The following CCDC73 variants were observed in gnomAD, a reference collection of about 807,000 sequenced individuals.
CCDC73 encodes the protein coiled-coil domain containing 73, also known as coiled-coil domain-containing protein 73.
Under a neutral mutation model 116.5 loss-of-function variants are expected in CCDC73, and 95 were observed. The ratio of observed to expected loss-of-function variants is 0.82; its 90% confidence interval spans 0.69 to 0.97. CCDC73 has a LOEUF of 0.97. Ranked by LOEUF, CCDC73 falls within the 50% of genes least tolerant of loss-of-function variation. The pLI is 0.00. For missense variants in CCDC73, 1,066 were observed against 1,206.8 expected (o/e 0.88, Z 1.73); for synonymous variants, 398 against 401.3 (o/e 0.99, Z 0.10).
intron 3 of CCDC73, among the ~76,000 whole-genome samples, chr11:32,710,462 G>A (rs866320634): frequency 4.6e-5 from 7 of 152,062 alleles, no homozygotes; most frequent in Admixed American, 1.3e-4. Flanking sequence ...TTCAGGAGCC[G>A]GCTATTTAAT....
At chr11:32,638,634 ATGCC>A (rs943344591) in intron 13 of CCDC73, among the ~76,000 whole-genome samples, 2 of 151,900 alleles carry the variant, frequency 1.3e-5, no homozygotes, top group African/African-American at 4.8e-5. Context: ...ATGTGCCACC[ATGCC>A]TGGCTAATTT....
At chr11:32,700,991 C>T (rs115334136) in intron 4 of CCDC73, among the ~76,000 whole-genome samples, 165 bp from the exon 5 acceptor site, 3,452 of 151,918 alleles carry the variant, frequency 0.023, 129 homozygotes, top group African/African-American at 0.077. Context: ...TGATATAAAA[C>T]GAGAAAAAAG....
intron 2 of CCDC73, among the ~76,000 whole-genome samples, chr11:32,738,983 G>A (rs1391435495): frequency 2.6e-5 from 4 of 152,074 alleles, no homozygotes; most frequent in Non-Finnish European, 5.9e-5. Flanking sequence ...TGGCACCTTT[G>A]TTGAAAATGA....
Position 32,760,273 on chromosome 11 carries a change from G to T in CCDC73, c.-15-15C>A. The T allele has an allele frequency of 7.1e-7, 1 of 1,405,160 alleles. No individual in the cohort carries two copies. Among genetic ancestry groups the T allele is most frequent in the Non-Finnish European group, 9.5e-7 (1 of 1,047,166 alleles). The allele number at this position is 1,405,160 out of a possible 1,614,324, so 87.0% of individuals were successfully genotyped here. ...ATATTTATTTCCTGTAATGTAAAAA[G>T]GTCTTAACTGAAAAAAAATTATCTA... On this transcript the variant is annotated splice_polypyrimidine_tract_variant and intron_variant, in intron 1 of 17. Transcript: ENST00000335185.
At chr11:32,763,272 G>C (rs1328456398) in intron 1 of CCDC73, among the ~76,000 whole-genome samples, 1 of 152,212 alleles carries the variant, frequency 6.6e-6, no homozygotes, top group Non-Finnish European at 1.5e-5. Flanking sequence ...CACAGAGTTT[G>C]AGATCTGAGA....
At chr11:32,635,931 G>T in intron 13 of CCDC73, 101 bp from the exon 14 acceptor site, 2 of 752,442 alleles carry the variant, frequency 2.7e-6, no homozygotes, top group Non-Finnish European at 3.4e-6. Context: ...AATAGTCAAA[G>T]AATCAAAACA....
intron 1 of CCDC73, among the ~76,000 whole-genome samples, chr11:32,763,797 C>G (rs1850414688): frequency 6.6e-6 from 1 of 152,060 alleles, no homozygotes; most frequent in South Asian, 2.1e-4. Flanking sequence ...AAGAAGGCTT[C>G]AGATGATCAA....
At chr11:32,769,973 A>G (rs1189676819) in intron 1 of CCDC73, among the ~76,000 whole-genome samples, 1 of 152,244 alleles carries the variant, frequency 6.6e-6, no homozygotes, top group Non-Finnish European at 1.5e-5. Flanking sequence ...TTTCACTTCC[A>G]GCACTGATTT....
intron 1 of CCDC73, 32 bp from the exon 2 acceptor site, chr11:32,760,290 A>C: frequency 7.8e-7 from 1 of 1,277,518 alleles, no homozygotes. Flanking sequence ...ACTGAAAAAA[A>C]ATTATCTAGG....
the CCDC73 span, among the ~76,000 whole-genome samples, chr11:32,804,043 C>G: frequency 6.6e-6 from 1 of 152,156 alleles, no homozygotes; most frequent in Non-Finnish European, 1.5e-5. Context: ...CTCCCGACCT[C>G]AAGTGATCCA....
chr11:32,613,387 A>C (rs1400189802), intron 16 of CCDC73, 35 bp downstream of exon 16: 5 of 1,508,548 alleles, frequency 3.3e-6, no homozygotes, highest in Non-Finnish European at 4.5e-6. Flanking sequence ...GTAGAAAAAT[A>C]TTTTGAGAAT....
At chr11:32,652,714 A>G (rs1855837246) in intron 12 of CCDC73, among the ~76,000 whole-genome samples, 1 of 151,256 alleles carries the variant, frequency 6.6e-6, no homozygotes, top group African/African-American at 2.4e-5. Context: ...CAATTTTATC[A>G]TATTCCTGTG....
intron 6 of CCDC73, among the ~76,000 whole-genome samples, chr11:32,692,884 G>A (rs896993810): frequency 9.2e-5 from 14 of 152,190 alleles, no homozygotes; most frequent in African/African-American, 3.4e-4. Context: ...AATCAGCAAA[G>A]TATCTTTATT....
chr11:32,636,729 G>A (rs1855681896), intron 13 of CCDC73, among the ~76,000 whole-genome samples: 1 of 151,656 alleles, frequency 6.6e-6, no homozygotes, highest in South Asian at 2.1e-4. Context: ...AGGCCAGTAG[G>A]TGTAAACTCA....
At chr11:32,829,148 A>G in the CCDC73 span, among the ~76,000 whole-genome samples, 3 of 152,246 alleles carry the variant, frequency 2.0e-5, no homozygotes, top group Admixed American at 2.0e-4. Context: ...AAGTACTGAG[A>G]ACAAATTTTA....
At chr11:32,674,114 C>T (rs149781886) in intron 9 of CCDC73, among the ~76,000 whole-genome samples, 28 of 152,326 alleles carry the variant, frequency 1.8e-4, no homozygotes, top group Non-Finnish European at 3.5e-4. Context: ...AACCCATATA[C>T]ATAAGCCTTC....
intron 6 of CCDC73, among the ~76,000 whole-genome samples, chr11:32,686,178 G>T (rs888125959): frequency 5.2e-5 from 6 of 116,014 alleles, no homozygotes; most frequent in Non-Finnish European, 1.0e-4. Flanking sequence ...ATAAGAAGTG[G>T]TTGGATGCTA....
At chr11:32,652,452 T>C (rs1028829280) in intron 12 of CCDC73, among the ~76,000 whole-genome samples, 15 of 152,218 alleles carry the variant, frequency 9.9e-5, no homozygotes, top group African/African-American at 3.4e-4. Context: ...ATTTCAAGCA[T>C]CTAGCCAGGG....
At chr11:32,627,394 C>T (rs560890624) in intron 14 of CCDC73, among the ~76,000 whole-genome samples, 7 of 152,176 alleles carry the variant, frequency 4.6e-5, no homozygotes, top group South Asian at 2.1e-4. Flanking sequence ...AGTTCAACCA[C>T]TGTGGAAGTC....
Sources: allele counts gnomAD v4.1 joint callset (sites outside exome capture counted in the v4.1 genomes callset), GRCh38; gene constraint gnomAD v4.1.1; transcripts MANE v1.5; gene names NCBI Gene and HGNC (gene_info 2026-07-23, HGNC 2026-07-21).